SFI1: variants seen among roughly 807,000 people sequenced by gnomAD.
The protein encoded by SFI1 is SFI1 centrin binding protein.
Under a neutral mutation model 207.5 loss-of-function variants are expected in SFI1, and 195 were observed. That is an observed-to-expected ratio of 0.94 (90% CI 0.84 to 1.06). The LOEUF is 1.06. SFI1 is among the 50% of genes least tolerant of loss of function. SFI1 has a pLI of 0.00. For missense variants in SFI1, 1,634 were observed against 1,588.0 expected (o/e 1.03, Z -0.49); for synonymous variants, 630 against 598.9 (o/e 1.05, Z -0.76).
At chr22:31,510,973 T>C (rs1037505613) in intron 2 of SFI1, among the ~76,000 whole-genome samples, 1 of 152,180 alleles carries the variant, frequency 6.6e-6, no homozygotes, top group Non-Finnish European at 1.5e-5. Context: ...GGGACCCTTA[T>C]GGTTACGCTC....
chr22:31,496,436 G>A (rs2052658146), upstream of SFI1: 2 of 152,404 alleles, frequency 1.3e-5, no homozygotes, highest in Admixed American at 1.3e-4. Flanking sequence ...GGCTGCGCAA[G>A]CCCCGGGGTC....
chr22:31,529,171 A>C (rs1483492366), intron 3 of SFI1: 1 of 266,028 alleles, frequency 3.8e-6, no homozygotes, highest in Non-Finnish European at 7.2e-6. Context: ...TTTTCCCCCC[A>C]GATTTTCTGG....
intron 29 of SFI1, 39 bp downstream of exon 29, chr22:31,615,318 C>T: frequency 7.0e-7 from 1 of 1,429,794 alleles, no homozygotes; most frequent in South Asian, 1.5e-5. Context: ...CTGGGGCTCT[C>T]ACTCTGGTCT....
intron 2 of SFI1, among the ~76,000 whole-genome samples, chr22:31,515,323 G>A: frequency 6.3e-5 from 1 of 15,832 alleles, no homozygotes; most frequent in South Asian, 1.4e-3. Flanking sequence ...CATTGTTCGT[G>A]TGTGTGTGTG....
chr22:31,511,537 C>T (rs5749291), intron 2 of SFI1, among the ~76,000 whole-genome samples: 1 of 149,460 alleles, frequency 6.7e-6, no homozygotes, highest in Non-Finnish European at 1.5e-5. Context: ...GCGCGATCTC[C>T]GCTCACTGCA....
intron 14 of SFI1, among the ~76,000 whole-genome samples, chr22:31,586,576 T>C (rs2065052770): frequency 6.6e-6 from 1 of 152,236 alleles, no homozygotes; most frequent in Non-Finnish European, 1.5e-5. Context: ...GTCACTGCAT[T>C]CTTTGACATG....
chr22:31,566,448 G>A (rs2062320069), intron 8 of SFI1, among the ~76,000 whole-genome samples: 2 of 152,146 alleles, frequency 1.3e-5, no homozygotes, highest in South Asian at 4.1e-4. Context: ...TTCCATTCAT[G>A]TATTTGTCTA....
intron 2 of SFI1, among the ~76,000 whole-genome samples, chr22:31,514,187 A>C (rs2056117092): frequency 6.7e-6 from 1 of 150,330 alleles, no homozygotes; most frequent in Non-Finnish European, 1.5e-5. Flanking sequence ...TGTTAGCTAT[A>C]GTCACCATGC....
chr22:31,555,095 G>A (rs878927452), intron 6 of SFI1, among the ~76,000 whole-genome samples: 1 of 151,774 alleles, frequency 6.6e-6, no homozygotes, highest in Non-Finnish European at 1.5e-5. Context: ...GCTCTATCTT[G>A]TAAATGTTCT....
intron 15 of SFI1, among the ~76,000 whole-genome samples, chr22:31,600,588 GTCTCCTT>G (rs2067941367): frequency 1.3e-5 from 2 of 152,152 alleles, no homozygotes; most frequent in African/African-American, 4.8e-5. Context: ...CTGTTCAGCT[GTCTCCTT>G]TCTAGTACCC....
chr22:31,606,330 G>A lies in SFI1; in HGVS notation c.2057G>A (p.Gly686Glu), dbSNP rs375372142. ...TCCTCGCACCCATGCATCTGCAGCG[G>A]GGCATTACGTCGCTGGAAAGAGAAC... ...ESQHNRQLLR[G>E]ALRRWKENTM... Residue 686 changes from glycine (G) to glutamate (E), a missense_variant and splice_region_variant, in exon 21 of 33, where the codon GGG becomes GAG. Coordinates refer to ENST00000400288, the MANE Select transcript of SFI1 (RefSeq NM_001007467.3). The A allele has an allele frequency of 6.2e-7, 1 of 1,613,726 alleles. No homozygotes were observed. Among genetic ancestry groups the A allele is most frequent in the Non-Finnish European group, 8.5e-7 (1 of 1,179,986 alleles).
chr22:31,547,136 A>G (rs2060164696), intron 5 of SFI1, among the ~76,000 whole-genome samples, 165 bp downstream of exon 5: 1 of 152,016 alleles, frequency 6.6e-6, no homozygotes, highest in Admixed American at 6.6e-5. Context: ...AAACCCAAGC[A>G]TGCATGCACA....
At chr22:31,580,233 C>A (rs2063951295) in intron 11 of SFI1, 39 bp from the exon 12 acceptor site, 1 of 1,505,300 alleles carries the variant, frequency 6.6e-7, no homozygotes, top group Non-Finnish European at 9.2e-7. Context: ...CTCTACTGAT[C>A]CCAGTCCTTG....
At chr22:31,582,236 A>ATGTTTTTT (rs1487021004) in intron 12 of SFI1, among the ~76,000 whole-genome samples, 1 of 10,140 alleles carries the variant, frequency 9.9e-5, no homozygotes, top group Admixed American at 1.8e-3. Context: ...ATATATATAT[A>ATGTTTTTT]TTTTTTTTTT....
intron 1 of SFI1, among the ~76,000 whole-genome samples, 173 bp downstream of exon 1, chr22:31,496,810 G>A (rs1436665849): frequency 6.6e-6 from 1 of 152,190 alleles, no homozygotes; most frequent in Non-Finnish European, 1.5e-5. Flanking sequence ...TGTGGTGCGG[G>A]AATGGAGGAA....
At chr22:31,597,627 C>T (rs1342130935) in intron 15 of SFI1, among the ~76,000 whole-genome samples, 1 of 152,166 alleles carries the variant, frequency 6.6e-6, no homozygotes, top group Non-Finnish European at 1.5e-5. Flanking sequence ...ATGTAAAATG[C>T]AAACCAAGGG....
intron 22 of SFI1, 24 bp from the exon 23 acceptor site, chr22:31,611,119 A>G (rs758591047): frequency 1.1e-5 from 17 of 1,614,134 alleles, no homozygotes; most frequent in Middle Eastern, 1.7e-4. Flanking sequence ...CAAAACAGCA[A>G]ACTCTGACTT....
chr22:31,578,546 G>T (rs751938050), intron 11 of SFI1, 94 bp downstream of exon 11: 265 of 1,153,622 alleles, frequency 2.3e-4, no homozygotes, highest in Middle Eastern at 1.0e-3. Context: ...TTCATTAAAT[G>T]CAGTCAGCTA....
intron 8 of SFI1, among the ~76,000 whole-genome samples, chr22:31,568,194 T>TGTTG (rs749787029): frequency 2.2e-5 from 2 of 92,548 alleles, no homozygotes; most frequent in African/African-American, 1.1e-4. Flanking sequence ...TGTGTGTGTG[T>TGTTG]TGTGTGTGTG....
Sources: allele counts gnomAD v4.1 joint callset (sites outside exome capture counted in the v4.1 genomes callset), GRCh38; gene constraint gnomAD v4.1.1; transcripts MANE v1.5; gene names NCBI Gene and HGNC (gene_info 2026-07-23, HGNC 2026-07-21).